The following ZC3H12D variants were observed in gnomAD, a reference collection of about 807,000 sequenced individuals.
ZC3H12D encodes the protein zinc finger CCCH-type containing 12D.
ZC3H12D carries 11 observed loss-of-function variants against 24.2 expected under a neutral mutation model. The ratio of observed to expected loss-of-function variants is 0.46; its 90% CI spans 0.29 to 0.75. The LOEUF (loss-of-function observed/expected upper bound fraction) is 0.75. ZC3H12D is among the 30% of genes least tolerant of loss of function. ZC3H12D has a pLI of 0.11. For missense variants in ZC3H12D, 740 were observed against 767.7 expected (o/e 0.96, Z 0.43); for synonymous variants, 333 against 341.8 (o/e 0.97, Z 0.28).
intron 2 of ZC3H12D, among the ~76,000 whole-genome samples, chr6:149,469,224 G>A (rs577220336): frequency 1.6e-4 from 24 of 152,170 alleles, no homozygotes; most frequent in African/African-American, 5.6e-4. Context: ...TTGGGAGGCC[G>A]AGGCGGGTGG....
chr6:149,460,001 T>C (rs1776046640), intron 3 of ZC3H12D, among the ~76,000 whole-genome samples: 1 of 152,124 alleles, frequency 6.6e-6, no homozygotes, highest in Non-Finnish European at 1.5e-5. Flanking sequence ...AGTTGAAAAA[T>C]TCCTATCATC....
At chr6:149,472,881 C>G (rs1776266888) in intron 2 of ZC3H12D, among the ~76,000 whole-genome samples, 1 of 152,096 alleles carries the variant, frequency 6.6e-6, no homozygotes, top group African/African-American at 2.4e-5. Context: ...ATATAGAGGC[C>G]AGGCCCCTCT....
intron 1 of ZC3H12D, among the ~76,000 whole-genome samples, chr6:149,478,317 G>A (rs991014561): frequency 2.6e-5 from 4 of 152,080 alleles, no homozygotes; most frequent in Non-Finnish European, 4.4e-5. Context: ...GCAGGTATGA[G>A]AATCCAGCTG....
At chr6:149,480,899 A>G (rs1441062001) in intron 1 of ZC3H12D, among the ~76,000 whole-genome samples, 2 of 151,808 alleles carry the variant, frequency 1.3e-5, no homozygotes, top group Non-Finnish European at 2.9e-5. Flanking sequence ...CCACGCCATC[A>G]TCACAGTCGG....
rs369257003 is a variant in ZC3H12D at position 149,461,067 on chromosome 6, G to A, written c.445+764C>T. 8.5e-5 allele frequency among the ~76,000 whole-genome samples: 13 copies of A among 152,264 alleles called. 1 individual carries two copies. Among genetic ancestry groups the A allele is most frequent in the East Asian group, 5.8e-4 (3 of 5,182 alleles). ...GAAGAATTAAAAATGAAGAGGCTGG[G>A]TGAGGTGGCTCTCGCCTCTAATCCC... On this transcript the variant is annotated intron_variant, in intron 3 of 5. Coordinates refer to ENST00000409806, the MANE Select transcript of ZC3H12D (RefSeq NM_207360.3).
At chr6:149,478,976 C>G (rs1776383988) in intron 1 of ZC3H12D, among the ~76,000 whole-genome samples, 1 of 152,248 alleles carries the variant, frequency 6.6e-6, no homozygotes, top group African/African-American at 2.4e-5. Flanking sequence ...CAAAGCAGCC[C>G]TGACACTGAC....
chr6:149,464,658 G>T (rs921416247), intron 2 of ZC3H12D, among the ~76,000 whole-genome samples: 1 of 152,152 alleles, frequency 6.6e-6, no homozygotes, highest in African/African-American at 2.4e-5. Context: ...TCAGTGCCCA[G>T]CATCGTGTCT....
Position 149,456,362 on chromosome 6 carries a change from A to C in ZC3H12D, c.680+304T>G, listed in dbSNP as rs564465972. 3.7e-4 allele frequency among the ~76,000 whole-genome samples: 57 copies of C among 152,314 alleles called. No individual in the cohort carries two copies. The highest frequency in any genetic ancestry group is 3.5e-3 in the South Asian group (17 of 4,810). Reference sequence around the variant, plus strand: ...CCATGATGACTATTTCAATATTCTGAAGTATGCAATTCTGTTTTTTTAAGT... The same window carrying C: ...CCATGATGACTATTTCAATATTCTGCAGTATGCAATTCTGTTTTTTTAAGT... On this transcript the variant is annotated intron_variant, in intron 4 of 5. Transcript: ENST00000409806. This position sits in a 1 kb window ranked among gnomAD's most constrained non-coding sequence, Gnocchi z 4.3.
chr6:149,451,331 C>G lies in ZC3H12D; in HGVS notation c.936G>C (p.Pro312=). The stretch of plus-strand genomic sequence containing the variant: ...CCGCCCGGGCTCCTGCGGAGCCGCC[C>G]GGGGCTCTCGGTGGCCGCTGCTCCT... ...GAEEQRPPRA[P]GGSAGARAAP... is the part of the protein sequence containing the mutation. Residue 312 remains proline (P), a synonymous_variant, in exon 6 of 6, where the codon CCG becomes CCC. Coordinates refer to ENST00000409806, the MANE Select transcript of ZC3H12D (RefSeq NM_207360.3). 7.0e-7 allele frequency: 1 copy of G among 1,428,578 alleles called. No individual in the cohort carries two copies. 88.5% of individuals were successfully genotyped at this position (1,428,578 alleles called of 1,614,324 possible). A position where few individuals can be genotyped will look rare whatever the true frequency, so the allele number is the denominator to read the frequency against.
At chr6:149,461,803 T>C in intron 3 of ZC3H12D, 28 bp downstream of exon 3, 1 of 1,545,906 alleles carries the variant, frequency 6.5e-7, no homozygotes, top group Non-Finnish European at 8.7e-7. Context: ...GTCTAGTACC[T>C]CTTGAGCATA....
At position 149,464,580 on chromosome 6, in the gene ZC3H12D, C is replaced by A. The variant is rs528377001; in HGVS notation, c.306-2610G>T. 2.6e-5 allele frequency among the ~76,000 whole-genome samples: 4 copies of A among 152,310 alleles called. 1 individual carries two copies. In the South Asian group the frequency reaches 8.3e-4, roughly 32 times the overall value. Reference sequence around the variant, plus strand: ...TTCCTGGCACTGGGGAACGTTGGCACCCATCCAGGGGATTGCCTGGGTCTC... The same window carrying A: ...TTCCTGGCACTGGGGAACGTTGGCAACCATCCAGGGGATTGCCTGGGTCTC... On this transcript the variant is annotated intron_variant, in intron 2 of 5. Coordinates refer to ENST00000409806, the MANE Select transcript of ZC3H12D (RefSeq NM_207360.3).
chr6:149,481,594 C>A (rs1275796406), intron 1 of ZC3H12D, among the ~76,000 whole-genome samples: 1 of 151,584 alleles, frequency 6.6e-6, no homozygotes, highest in African/African-American at 2.4e-5. Flanking sequence ...AAACTGGTCT[C>A]GAACTCCTGA....
chr6:149,456,621 C>CCCCCCCCCCCCCCCCCCCGGGGGA lies in ZC3H12D; in HGVS notation c.680+44_680+45insTCCCCCGGGGGGGGGGGGGGGGGG. On this transcript the variant is annotated intron_variant, in intron 4 of 5. Coordinates refer to ENST00000409806, the MANE Select transcript of ZC3H12D (RefSeq NM_207360.3). The surrounding 1 kb of genome is among the most constrained non-coding windows in gnomAD (Gnocchi z 4.3). Reference sequence around the variant, plus strand: ...TGGCCACTGCCTCGACCCCGGCCCCCCGCCCCGCCGCCCCCCAGGGTGTCA... The same window carrying CCCCCCCCCCCCCCCCCCCGGGGGA: ...TGGCCACTGCCTCGACCCCGGCCCCCCCCCCCCCCCCCCCCCCCGGGGGACGCCCCGCCGCCCCCCAGGGTGTCA... 1 of 1,297,208 alleles carries CCCCCCCCCCCCCCCCCCCGGGGGA rather than the reference C, an allele frequency of 7.7e-7. No homozygotes were observed. The highest frequency in any genetic ancestry group is 1.1e-6 in the Non-Finnish European group (1 of 906,314). The allele number at this position is 1,297,208 out of a possible 1,614,324, so 80.4% of individuals were successfully genotyped here.
chr6:149,474,851 C>A (rs1260880331), intron 1 of ZC3H12D, among the ~76,000 whole-genome samples: 1 of 152,204 alleles, frequency 6.6e-6, no homozygotes, highest in African/African-American at 2.4e-5. Flanking sequence ...ACACACCCGA[C>A]CGCACACCAG....
At chr6:149,464,919 C>T (rs1432347358) in intron 2 of ZC3H12D, among the ~76,000 whole-genome samples, 2 of 152,212 alleles carry the variant, frequency 1.3e-5, no homozygotes, top group Non-Finnish European at 2.9e-5. Context: ...AGGGCCACTA[C>T]GCCACTCGTG....
chr6:149,447,946 CA>C lies in ZC3H12D; in HGVS notation c.*2736del, dbSNP rs1283001326. 2 of 152,080 alleles carry C rather than the reference CA, an allele frequency of 1.3e-5. No individual in the cohort carries two copies. 9.4% of individuals were successfully genotyped at this position (152,080 alleles called of 1,614,324 possible). A position where few individuals can be genotyped will look rare whatever the true frequency, so the allele number is the denominator to read the frequency against. On this transcript the variant is annotated 3_prime_UTR_variant, in exon 6 of 6. Transcript: ENST00000409806. The stretch of plus-strand genomic sequence containing the variant: ...ACATCAGGAAATCGAACCAGGGAGA[CA>C]AAAAGCAGCTCTAATAGAAAGCGTG...
intron 1 of ZC3H12D, among the ~76,000 whole-genome samples, chr6:149,483,725 T>C (rs772352381): frequency 6.6e-6 from 1 of 152,138 alleles, no homozygotes; most frequent in Non-Finnish European, 1.5e-5. Context: ...GTTTTTTTTA[T>C]TTTTTGTAGA....
In ZC3H12D at chr6:149,456,639, G is replaced by A; in HGVS notation, c.680+27C>T. On this transcript the variant is annotated intron_variant, in intron 4 of 5. Transcript: ENST00000409806. This position sits in a 1 kb window ranked among gnomAD's most constrained non-coding sequence, Gnocchi z 4.3. The stretch of plus-strand genomic sequence containing the variant: ...CGGCCCCCCGCCCCGCCGCCCCCCA[G>A]GGTGTCAGGACCCCAGCCGGACCTA... 2 of 767,056 alleles carry A rather than the reference G, an allele frequency of 2.6e-6. No homozygotes were observed. The highest frequency in any genetic ancestry group is 4.4e-6 in the Non-Finnish European group (2 of 451,956). The allele number at this position is 767,056 out of a possible 1,614,324, so 47.5% of individuals were successfully genotyped here.
Position 149,456,704 on chromosome 6 carries a change from G to A in ZC3H12D, c.642C>T (p.Ile214=), listed in dbSNP as rs1023548875. 18 of 1,613,008 alleles carry A rather than the reference G, an allele frequency of 1.1e-5. 1 individual carries two copies. The highest frequency in any genetic ancestry group is 1.7e-5 in the Admixed American group (1 of 59,972). ...QSENPEWKWF[I]EQRLLMFSFV... is the part of the protein sequence containing the mutation. Reference sequence around the variant, plus strand: ...AGGAGAACATGAGCAGCCTCTGCTCGATGAACCACTTCCACTCGGGGTTCT... The same window carrying A: ...AGGAGAACATGAGCAGCCTCTGCTCAATGAACCACTTCCACTCGGGGTTCT... Residue 214 remains isoleucine (I), a synonymous_variant, in exon 4 of 6, where the codon ATC becomes ATT. Coordinates refer to ENST00000409806, the MANE Select transcript of ZC3H12D (RefSeq NM_207360.3). This position sits in a 1 kb window ranked among gnomAD's most constrained non-coding sequence, Gnocchi z 4.3.
Sources: allele counts gnomAD v4.1 joint callset (sites outside exome capture counted in the v4.1 genomes callset), GRCh38; gene constraint gnomAD v4.1.1; non-coding constraint Gnocchi (gnomAD v3.1); transcripts MANE v1.5; gene names NCBI Gene and HGNC (gene_info 2026-07-23, HGNC 2026-07-21).